The following UNC79 variants were observed in gnomAD, a reference collection of about 807,000 sequenced individuals.
UNC79 encodes the protein unc-79 subunit of NALCN channel complex, also known as protein unc-79 homolog.
Under a neutral mutation model 283.1 loss-of-function variants are expected in UNC79, and 37 were observed. That is an observed-to-expected ratio of 0.13 (90% CI 0.10 to 0.17). The LOEUF (loss-of-function observed/expected upper bound fraction) is 0.17. UNC79 is among the 10% of genes least tolerant of loss of function. UNC79 has a pLI of 1.00. For synonymous variants in UNC79, 1,107 were observed against 1,200.2 expected (o/e 0.92, Z 1.61); for missense variants, 2,272 against 3,211.1 (o/e 0.71, Z 7.07).
chr14:93,537,143 CAT>C (rs1261014192), intron 11 of UNC79, among the ~76,000 whole-genome samples: 2 of 152,210 alleles, frequency 1.3e-5, no homozygotes, highest in Admixed American at 6.5e-5. Context: ...TTGAAAGAGA[CAT>C]TGACTATGTG....
intron 31 of UNC79, 61 bp downstream of exon 33, chr14:93,630,969 C>A: frequency 6.9e-7 from 1 of 1,453,880 alleles, no homozygotes; most frequent in Non-Finnish European, 9.6e-7. Flanking sequence ...TGTCTGCTGC[C>A]TTGTTTTCAA....
At chr14:93,576,342 TGATAGGTTCAATCATACCCCAAACCTCA>T in intron 17 of UNC79, among the ~76,000 whole-genome samples, 1 of 152,090 alleles carries the variant, frequency 6.6e-6, no homozygotes, top group African/African-American at 2.4e-5. Context: ...AATACCTAGG[TGATAGGTTCAATCATACCCCAAACCTCA>T]GCATCATGCA....
chr14:93,451,107 T>C (rs1179616861), intron 1 of UNC79, among the ~76,000 whole-genome samples: 2 of 152,024 alleles, frequency 1.3e-5, no homozygotes, highest in African/African-American at 2.4e-5. Context: ...CTTTCTGATA[T>C]TAATAACAGG....
intron 1 of UNC79, among the ~76,000 whole-genome samples, chr14:93,453,305 T>C (rs1401695977): frequency 6.6e-6 from 1 of 152,204 alleles, no homozygotes; most frequent in Admixed American, 6.5e-5. Flanking sequence ...GTCTTGAGTA[T>C]TGCACTTAGC....
chr14:93,532,255 C>T (rs1486556875), intron 10 of UNC79, among the ~76,000 whole-genome samples: 1 of 149,964 alleles, frequency 6.7e-6, no homozygotes, highest in Non-Finnish European at 1.5e-5. Context: ...TTGCTTGTGG[C>T]CAGGAGTTGA....
intron 38 of UNC79, among the ~76,000 whole-genome samples, 167 bp downstream of exon 41, chr14:93,655,574 A>G (rs1336672683): frequency 1.3e-5 from 2 of 151,444 alleles, no homozygotes; most frequent in African/African-American, 4.8e-5. Context: ...GTCTTCTCTT[A>G]GAGAATGACA....
At chr14:93,528,050 T>C (rs897522860) in intron 8 of UNC79, among the ~76,000 whole-genome samples, 3 of 151,942 alleles carry the variant, frequency 2.0e-5, no homozygotes, top group Admixed American at 6.6e-5. Flanking sequence ...GTAAGAGAAG[T>C]GAACCACTCA....
chr14:93,548,169 A>G (rs1184127830), intron 14 of UNC79, among the ~76,000 whole-genome samples: 2 of 152,206 alleles, frequency 1.3e-5, no homozygotes, highest in Non-Finnish European at 2.9e-5. Flanking sequence ...TGGAGGCTGG[A>G]AAGTCCCAGA....
chr14:93,349,344 T>C (rs1414732418), intron 1 of UNC79, among the ~76,000 whole-genome samples: 1 of 152,214 alleles, frequency 6.6e-6, no homozygotes, highest in African/African-American at 2.4e-5. Context: ...AATGGCAGAC[T>C]TGCAAGACTG....
chr14:93,567,347 T>C (rs2062953612), intron 14 of UNC79, among the ~76,000 whole-genome samples: 1 of 152,250 alleles, frequency 6.6e-6, no homozygotes, highest in Non-Finnish European at 1.5e-5. Context: ...TGCCTTGGCT[T>C]CCCAAGTAGC....
intron 5 of UNC79, among the ~76,000 whole-genome samples, chr14:93,493,163 G>T (rs567677676): frequency 6.6e-6 from 1 of 152,246 alleles, no homozygotes; most frequent in African/African-American, 2.4e-5. Context: ...AGAACTGCAG[G>T]ATGAATAATG....
At chr14:93,608,508 C>T (rs2066050160) in intron 26 of UNC79, among the ~76,000 whole-genome samples, 1 of 152,200 alleles carries the variant, frequency 6.6e-6, no homozygotes, top group Non-Finnish European at 1.5e-5. Context: ...AAGTTAGCCA[C>T]TGCCCCAGCT....
chr14:93,632,448 C>T (rs2068104263), intron 31 of UNC79, among the ~76,000 whole-genome samples: 1 of 152,082 alleles, frequency 6.6e-6, no homozygotes, highest in African/African-American at 2.4e-5. Context: ...GCCTGTAATC[C>T]CAGCACTTGG....
intron 1 of UNC79, among the ~76,000 whole-genome samples, chr14:93,416,443 A>G (rs1030646447): frequency 6.6e-6 from 1 of 151,956 alleles, no homozygotes; most frequent in Non-Finnish European, 1.5e-5. Context: ...ACTTCCAACT[A>G]TGTGGTCAAT....
chr14:93,572,087 G>A lies in UNC79; in HGVS notation c.1946+3G>A. 6.2e-7 allele frequency: 1 copy of A among 1,612,424 alleles called. No homozygotes were observed. Among genetic ancestry groups the A allele is most frequent in the Non-Finnish European group, 8.5e-7 (1 of 1,179,452 alleles). On this transcript the variant is annotated splice_donor_region_variant and intron_variant, in intron 15 of 48. Transcript: ENST00000555664. ...AAAGAATTCAGGGAAGTATTAAGGTGGGTAAGTAGTTTAATGAAGTCACTG... is the reference window on the plus strand; with the variant it reads ...AAAGAATTCAGGGAAGTATTAAGGTAGGTAAGTAGTTTAATGAAGTCACTG...
At chr14:93,536,782 CTTTTTTT>C (rs35677025) in intron 11 of UNC79, among the ~76,000 whole-genome samples, 18 of 82,436 alleles carry the variant, frequency 2.2e-4, no homozygotes, top group African/African-American at 5.1e-4. Flanking sequence ...CCACCCCCGG[CTTTTTTT>C]TTTTTTTTTT....
At chr14:93,467,175 A>G (rs535839539) in intron 1 of UNC79, among the ~76,000 whole-genome samples, 5 of 152,190 alleles carry the variant, frequency 3.3e-5, no homozygotes, top group Admixed American at 2.6e-4. Context: ...TCTGACTTCA[A>G]TTGATGCCAT....
chr14:93,431,179 G>GT (rs1353133154), intron 1 of UNC79, 128 bp downstream of exon 1: 1 of 419,714 alleles, frequency 2.4e-6, no homozygotes, highest in Non-Finnish European at 4.3e-6. Context: ...GTTGGGGCGG[G>GT]TGGGGGGTGG....
At chr14:93,622,561 G>A in exon 30 of UNC79, 1 of 1,614,076 alleles carries the variant, frequency 6.2e-7, no homozygotes, top group Non-Finnish European at 8.5e-7. Context: ...AGCCTGGGGA[G>A]CTGATGCCAA....
Sources: allele counts gnomAD v4.1 joint callset (sites outside exome capture counted in the v4.1 genomes callset), GRCh38; gene constraint gnomAD v4.1.1; transcripts MANE v1.5; gene names NCBI Gene and HGNC (gene_info 2026-07-23, HGNC 2026-07-21).